The following PUS7 variants were observed in gnomAD, a reference collection of about 807,000 sequenced individuals.
PUS7 encodes the protein pseudouridylate synthase 7 homolog.
PUS7 carries 48 observed loss-of-function variants against 79.8 expected under a neutral mutation model. The ratio of observed to expected loss-of-function variants is 0.60; its 90% CI spans 0.48 to 0.76. The LOEUF (loss-of-function observed/expected upper bound fraction) is 0.76, where lower values mean the gene tolerates loss of function less well. Ranked by LOEUF, PUS7 falls within the 30% of genes least tolerant of loss-of-function variation. The probability of loss-of-function intolerance (pLI) is 0.00; values close to 1 mark genes in which losing one functional copy is unlikely to be tolerated. For synonymous variants in PUS7, 286 were observed against 272.2 expected (o/e 1.05, Z -0.50); for missense variants, 729 against 797.6 (o/e 0.91, Z 1.04).
chr7:105,482,553 C>A (rs769712772), intron 7 of PUS7, 113 bp from the exon 8 acceptor site: 106 of 1,150,216 alleles, frequency 9.2e-5, no homozygotes, highest in South Asian at 8.7e-4. Flanking sequence ...CACCTATGAC[C>A]CCCTGAAAGG....
chr7:105,508,492 A>G lies in PUS7; in HGVS notation c.21T>C (p.Thr7=), dbSNP rs1325818732. Reference sequence around the variant, plus strand: ...GTGCCCCACGTTTCAGCGACACACCAGTCATTTCTGTCATCTCCATCTTTA... The same window carrying G: ...GTGCCCCACGTTTCAGCGACACACCGGTCATTTCTGTCATCTCCATCTTTA... MEMTEM[T]GVSLKRGALV... is the part of the protein sequence containing the mutation. Residue 7 remains threonine (T), a synonymous_variant, in exon 2 of 16, where the codon ACT becomes ACC. Coordinates refer to ENST00000469408, the MANE Select transcript of PUS7 (RefSeq NM_019042.5). 2.3e-5 allele frequency: 37 copies of G among 1,613,148 alleles called. No homozygotes were observed. Among genetic ancestry groups the G allele is most frequent in the Non-Finnish European group, 2.9e-5 (34 of 1,179,570 alleles).
At chr7:105,487,633 G>A (rs774307331) in intron 7 of PUS7, among the ~76,000 whole-genome samples, 1 of 152,064 alleles carries the variant, frequency 6.6e-6, no homozygotes, top group Non-Finnish European at 1.5e-5. Flanking sequence ...AAGGTCTTTG[G>A]TTGTAAATTT....
chr7:105,495,892 C>T lies in PUS7; in HGVS notation c.731-639G>A, dbSNP rs1175695190. Among the ~76,000 whole-genome samples the T allele has an allele frequency of 4.6e-5, 7 of 152,142 alleles. No homozygotes were observed. In the East Asian group the frequency reaches 1.3e-3, roughly 29 times the overall value. On this transcript the variant is annotated intron_variant, in intron 5 of 15. Coordinates refer to ENST00000469408, the MANE Select transcript of PUS7 (RefSeq NM_019042.5). Reference sequence around the variant, plus strand: ...ATGTAAGATTTAGGCCGAGTGTAATCCCATGCACTGTAATCCCAGCACTTT... The same window carrying T: ...ATGTAAGATTTAGGCCGAGTGTAATTCCATGCACTGTAATCCCAGCACTTT...
chr7:105,512,121 G>C (rs1419139581), intron 1 of PUS7, among the ~76,000 whole-genome samples: 1 of 119,836 alleles, frequency 8.3e-6, no homozygotes, highest in Non-Finnish European at 1.6e-5. Flanking sequence ...CTCCAGCCTG[G>C]GTGACAGAGA....
chr7:105,503,170 C>T (rs941440813), intron 4 of PUS7, among the ~76,000 whole-genome samples: 2 of 152,076 alleles, frequency 1.3e-5, no homozygotes, highest in East Asian at 1.9e-4. Context: ...ATTGTGTCTG[C>T]GGTTATATAG....
intron 1 of PUS7, among the ~76,000 whole-genome samples, chr7:105,514,787 TTC>T (rs1393213988): frequency 1.3e-5 from 2 of 149,392 alleles, no homozygotes; most frequent in Non-Finnish European, 3.0e-5. Flanking sequence ...TAACTAAAAA[TTC>T]TCTCTCATTT....
chr7:105,457,958 T>C (rs1302542111), intron 15 of PUS7, 32 bp from the exon 16 acceptor site: 2 of 1,608,728 alleles, frequency 1.2e-6, no homozygotes, highest in South Asian at 2.2e-5. Context: ...AGTCAGAAAA[T>C]GAAGGCAGCT....
Position 105,465,295 on chromosome 7 carries a change from C to T in PUS7, c.1627+18G>A, listed in dbSNP as rs776011956. On this transcript the variant is annotated intron_variant, in intron 13 of 15. Transcript: ENST00000469408. ...TGTTAAACTTGTTTTAACTATTTTC[C>T]CCATACAGGGAACTTACTTTTATGC... 1.4e-5 allele frequency: 21 copies of T among 1,545,130 alleles called. No individual in the cohort carries two copies. Among genetic ancestry groups the T allele is most frequent in the Non-Finnish European group, 1.8e-5 (20 of 1,120,842 alleles).
At chr7:105,492,315 G>A (rs1431698074) in intron 6 of PUS7, among the ~76,000 whole-genome samples, 3 of 151,530 alleles carry the variant, frequency 2.0e-5, no homozygotes, top group Non-Finnish European at 2.9e-5. Context: ...GGTAAATGAT[G>A]GCCAAATAAT....
intron 4 of PUS7, among the ~76,000 whole-genome samples, chr7:105,504,372 C>T (rs977366304): frequency 6.6e-6 from 1 of 151,500 alleles, no homozygotes; most frequent in Non-Finnish European, 1.5e-5. Flanking sequence ...CGCCCAGCAA[C>T]TTAATGATAC....
intron 7 of PUS7, among the ~76,000 whole-genome samples, chr7:105,485,118 G>A (rs967477308): frequency 6.6e-6 from 1 of 151,952 alleles, no homozygotes; most frequent in African/African-American, 2.4e-5. Flanking sequence ...GCCCCACAAA[G>A]TGCTGGGATT....
intron 12 of PUS7, among the ~76,000 whole-genome samples, chr7:105,465,837 T>TAAAAAAGAAAGAAAAAAAG (rs1823620550): frequency 6.9e-6 from 1 of 144,910 alleles, no homozygotes; most frequent in South Asian, 2.2e-4. Context: ...CCTCTCAAAA[T>TAAAAAAGAAAGAAAAAAAG]AAAAAAGAAA....
At chr7:105,510,735 G>A (rs777368567) in intron 1 of PUS7, among the ~76,000 whole-genome samples, 11 of 151,718 alleles carry the variant, frequency 7.3e-5, no homozygotes, top group African/African-American at 1.5e-4. Context: ...GGCTGCTCTC[G>A]AACTCCTGAC....
intron 1 of PUS7, among the ~76,000 whole-genome samples, chr7:105,515,472 C>T (rs947019287): frequency 2.0e-5 from 3 of 152,104 alleles, no homozygotes; most frequent in African/African-American, 7.2e-5. Context: ...TGACAACAGG[C>T]CTTTAGGTTG....
intron 7 of PUS7, among the ~76,000 whole-genome samples, chr7:105,485,262 C>A (rs759014519): frequency 6.6e-5 from 10 of 152,028 alleles, no homozygotes; most frequent in African/African-American, 2.2e-4. Context: ...CAGGCTGGAG[C>A]GCAATGGCGC....
intron 7 of PUS7, among the ~76,000 whole-genome samples, chr7:105,486,485 G>A (rs1187866239): frequency 6.6e-6 from 1 of 152,166 alleles, no homozygotes; most frequent in Non-Finnish European, 1.5e-5. Flanking sequence ...TTGAATTCCT[G>A]GACTATGTAT....
At chr7:105,463,310 G>A (rs1563352192) in intron 13 of PUS7, among the ~76,000 whole-genome samples, 1 of 152,168 alleles carries the variant, frequency 6.6e-6, no homozygotes, top group Non-Finnish European at 1.5e-5. Context: ...CCTATTCCAA[G>A]CTGAAATCCA....
intron 1 of PUS7, among the ~76,000 whole-genome samples, chr7:105,514,066 T>A (rs1309140011): frequency 3.0e-5 from 4 of 134,006 alleles, no homozygotes; most frequent in Non-Finnish European, 6.5e-5. Flanking sequence ...CCGTCTCTAC[T>A]AAAAAATACA....
chr7:105,497,195 C>G (rs1305188164), intron 5 of PUS7, among the ~76,000 whole-genome samples: 1 of 152,152 alleles, frequency 6.6e-6, no homozygotes. Flanking sequence ...ACAGGTGCAG[C>G]CTCCTTGTCT....
Sources: allele counts gnomAD v4.1 joint callset (sites outside exome capture counted in the v4.1 genomes callset), GRCh38; gene constraint gnomAD v4.1.1; transcripts MANE v1.5; gene names NCBI Gene and HGNC (gene_info 2026-07-23, HGNC 2026-07-21).